RAP1GAP2: variants seen among roughly 807,000 people sequenced by gnomAD.
RAP1GAP2 encodes rap1 GTPase-activating protein 2.
A neutral mutation model predicts 95.0 loss-of-function variants in RAP1GAP2; 27 were observed. The ratio of observed to expected loss-of-function variants is 0.28; its 90% CI spans 0.21 to 0.39. The LOEUF is 0.39. RAP1GAP2 is among the 10% of genes least tolerant of loss of function. The probability of loss-of-function intolerance (pLI) is 1.00; values close to 1 mark genes in which losing one functional copy is unlikely to be tolerated. For synonymous variants in RAP1GAP2, 373 were observed against 380.9 expected, an observed-to-expected ratio of 0.98 and a Z score of 0.24; for missense variants, 771 against 970.0, an observed-to-expected ratio of 0.79 and a Z score of 2.72.
intron 20 of RAP1GAP2, 53 bp from the exon 21 acceptor site, chr17:3,026,297 G>C (rs1184024105): frequency 6.8e-7 from 1 of 1,460,650 alleles, no homozygotes; most frequent in Non-Finnish European, 9.4e-7. Flanking sequence ...GACCCTGGGG[G>C]TGGAGGGCTC....
chr17:2,944,968 T>G (rs1024960599), intron 3 of RAP1GAP2, among the ~76,000 whole-genome samples: 3 of 152,184 alleles, frequency 2.0e-5, no homozygotes, highest in African/African-American at 7.2e-5. Flanking sequence ...CTGCAAGCTC[T>G]GTCTCCCGGG....
intron 2 of RAP1GAP2, among the ~76,000 whole-genome samples, chr17:2,877,863 T>G (rs942335980): frequency 6.6e-6 from 1 of 152,144 alleles, no homozygotes; most frequent in African/African-American, 2.4e-5. Flanking sequence ...GTTGACATTT[T>G]GGAAGGTCCC....
At chr17:2,913,319 G>A (rs566055575) in intron 3 of RAP1GAP2, among the ~76,000 whole-genome samples, 4 of 151,282 alleles carry the variant, frequency 2.6e-5, no homozygotes, top group African/African-American at 7.3e-5. Flanking sequence ...ATGGAATCTC[G>A]CTCTTGTCAC....
At chr17:2,900,309 T>C (rs2041984171) in intron 2 of RAP1GAP2, among the ~76,000 whole-genome samples, 1 of 152,342 alleles carries the variant, frequency 6.6e-6, no homozygotes, top group East Asian at 1.9e-4. Context: ...TTAAACGGCC[T>C]TGGACTCTTG....
chr17:2,770,186 G>A (rs1277233510), intron 1 of RAP1GAP2: 1 of 395,500 alleles, frequency 2.5e-6, no homozygotes, highest in African/African-American at 2.1e-5. Context: ...TGGCCCTCTG[G>A]AAACAGGGCT....
chr17:2,903,972 G>T lies in RAP1GAP2; in HGVS notation c.81-1312G>T, dbSNP rs568131438. On this transcript the variant is annotated intron_variant, in intron 2 of 24. Transcript: ENST00000254695. The surrounding 1 kb of genome is among the most constrained non-coding windows in gnomAD (Gnocchi z 4.1). The stretch of plus-strand genomic sequence containing the variant: ...AACTGTCGCTTCGCTGGCAGGACTT[G>T]GGCTGGGAAGAGGGGCAGAAGGATT... Among the ~76,000 whole-genome samples, 5 of 152,312 alleles carry T rather than the reference G, an allele frequency of 3.3e-5. No homozygotes were observed. In the South Asian group the frequency reaches 1.0e-3, roughly 32 times the overall value.
chr17:2,932,786 C>G (rs1482530301), intron 3 of RAP1GAP2, among the ~76,000 whole-genome samples: 1 of 134,974 alleles, frequency 7.4e-6, no homozygotes, highest in Admixed American at 8.5e-5. Context: ...CCACTGCACT[C>G]CAGCCTGGCA....
At chr17:3,028,007 C>T (rs145254633) in intron 22 of RAP1GAP2, among the ~76,000 whole-genome samples, 3 of 152,092 alleles carry the variant, frequency 2.0e-5, no homozygotes, top group East Asian at 1.9e-4. Context: ...GCGGGTGCTC[C>T]GGGTCTCTGC....
intron 3 of RAP1GAP2, among the ~76,000 whole-genome samples, chr17:2,931,280 T>TTGTGTGTGTGTGTGTGTGTGTGTG (rs34690298): frequency 5.5e-5 from 8 of 146,664 alleles, no homozygotes; most frequent in African/African-American, 2.1e-4. Context: ...TGAGTGTTTC[T>TTGTGTGTGTGTGTGTGTGTGTGTG]TGTGTGTGTG....
chr17:2,986,404 G>A (rs966834574), intron 11 of RAP1GAP2, among the ~76,000 whole-genome samples: 11 of 152,026 alleles, frequency 7.2e-5, no homozygotes, highest in African/African-American at 1.7e-4. Context: ...TTACCAAAGC[G>A]GATCTTATAA....
intron 8 of RAP1GAP2, among the ~76,000 whole-genome samples, chr17:2,966,889 C>G (rs1303098149): frequency 1.3e-5 from 2 of 152,156 alleles, no homozygotes; most frequent in Non-Finnish European, 2.9e-5. Context: ...ATCTAACCCC[C>G]TTTTTCTAAT....
chr17:2,850,045 G>GGCT (rs2071766095), intron 2 of RAP1GAP2, among the ~76,000 whole-genome samples: 1 of 136,178 alleles, frequency 7.3e-6, no homozygotes, highest in African/African-American at 2.8e-5. Context: ...CTGTTGCCCA[G>GGCT]GCTGGAGTGC....
chr17:2,994,626 C>T (rs1039417183), intron 12 of RAP1GAP2, among the ~76,000 whole-genome samples: 1 of 152,234 alleles, frequency 6.6e-6, no homozygotes, highest in African/African-American at 2.4e-5. Flanking sequence ...GCTGCCCTAG[C>T]TCTGGGCAGA....
At chr17:2,947,441 C>G (rs1278896724) in intron 3 of RAP1GAP2, among the ~76,000 whole-genome samples, 2 of 152,086 alleles carry the variant, frequency 1.3e-5, no homozygotes, top group African/African-American at 4.8e-5. Flanking sequence ...TCTAGCCATC[C>G]CAACAAGCCC....
chr17:2,763,375 C>G (rs535173727), intron 1 of RAP1GAP2, among the ~76,000 whole-genome samples: 1 of 152,042 alleles, frequency 6.6e-6, no homozygotes, highest in African/African-American at 2.4e-5. Context: ...TAACTAACAT[C>G]CAGGCAGGCA....
chr17:2,919,398 G>A (rs1597608797), intron 3 of RAP1GAP2, among the ~76,000 whole-genome samples: 1 of 152,172 alleles, frequency 6.6e-6, no homozygotes, highest in East Asian at 1.9e-4. Flanking sequence ...TGGATAATTC[G>A]GGGCTGGGAG....
intron 2 of RAP1GAP2, among the ~76,000 whole-genome samples, chr17:2,828,455 G>A (rs1367410217): frequency 2.6e-5 from 4 of 151,242 alleles, no homozygotes; most frequent in East Asian, 1.9e-4. Context: ...AAGGAGACCC[G>A]AAGGAAGAAA....
intron 2 of RAP1GAP2, among the ~76,000 whole-genome samples, chr17:2,847,239 C>T (rs2071627490): frequency 6.6e-6 from 1 of 152,098 alleles, no homozygotes; most frequent in Non-Finnish European, 1.5e-5. Context: ...GAACTCCTGA[C>T]CTCGTGATCC....
chr17:2,989,822 G>A (rs192193503), intron 11 of RAP1GAP2, among the ~76,000 whole-genome samples: 79 of 146,318 alleles, frequency 5.4e-4, no homozygotes, highest in Non-Finnish European at 1.0e-3. Flanking sequence ...CCACAGAATC[G>A]TGCACCTGTC....
Sources: gnomAD v4.1 joint callset for allele counts (sites outside exome capture counted in the v4.1 genomes callset) on GRCh38, gnomAD v4.1.1 for gene constraint, Gnocchi (gnomAD v3.1) non-coding constraint, MANE v1.5 for transcripts, NCBI Gene and HGNC (gene_info 2026-07-23, HGNC 2026-07-21) for gene names.